ATF6: variants seen among roughly 807,000 people sequenced by gnomAD.
ATF6 encodes cyclic AMP-dependent transcription factor ATF-6 alpha.
Under a neutral mutation model 83.6 loss-of-function variants are expected in ATF6, and 53 were observed. The ratio of observed to expected loss-of-function variants is 0.63; its 90% confidence interval spans 0.51 to 0.80. ATF6 has a LOEUF of 0.80. ATF6 is among the 30% of genes least tolerant of loss of function. ATF6 has a pLI of 0.00. For missense variants in ATF6, 744 were observed against 797.9 expected (o/e 0.93, Z 0.81); for synonymous variants, 288 against 285.8 (o/e 1.01, Z -0.08).
Position 161,964,036 on chromosome 1 carries a change from T to A in ATF6, c.*5382T>A, listed in dbSNP as rs1185617599. ...AGCAAGTCTTTATACTACCTGTTAT[T>A]TCTCTAAAATTCAAATAAAGAATTT... On this transcript the variant is annotated 3_prime_UTR_variant, in exon 16 of 16. Coordinates refer to ENST00000367942, the MANE Select transcript of ATF6 (RefSeq NM_007348.4). The A allele has an allele frequency of 6.6e-6, 1 of 152,256 alleles. No homozygotes were observed. Among genetic ancestry groups the A allele is most frequent in the Non-Finnish European group, 1.5e-5 (1 of 68,044 alleles). 9.4% of individuals were successfully genotyped at this position (152,256 alleles called of 1,614,324 possible). A position where few individuals can be genotyped will look rare whatever the true frequency, so the allele number is the denominator to read the frequency against.
At chr1:161,936,146 G>A (rs1332296181) in intron 15 of ATF6, among the ~76,000 whole-genome samples, 6 of 152,128 alleles carry the variant, frequency 3.9e-5, no homozygotes, top group Non-Finnish European at 1.5e-5. Context: ...CAACGCTACT[G>A]GTGTGTTAAT....
Position 161,925,031 on chromosome 1 carries a change from A to T in ATF6, c.1804+12651A>T, listed in dbSNP as rs562155346. On this transcript the variant is annotated intron_variant, in intron 15 of 15. Coordinates refer to ENST00000367942, the MANE Select transcript of ATF6 (RefSeq NM_007348.4). ...AAATTGTTCCTTTTCTGTCTCTTAA[A>T]TCCACAGGATTATATATAAATATAA... 1.1e-4 allele frequency among the ~76,000 whole-genome samples: 16 copies of T among 152,294 alleles called. 1 individual carries two copies. The South Asian group carries it at 3.3e-3, about 32-fold the overall frequency.
intron 1 of ATF6, 125 bp downstream of exon 1, chr1:161,766,567 G>T: frequency 2.7e-6 from 2 of 739,946 alleles, no homozygotes. Flanking sequence ...GAGGCCCCTC[G>T]TCACTCCTGT....
intron 15 of ATF6, among the ~76,000 whole-genome samples, chr1:161,938,357 A>G (rs1688578246): frequency 6.6e-6 from 1 of 152,226 alleles, no homozygotes; most frequent in Non-Finnish European, 1.5e-5. Flanking sequence ...ATAATTGCCT[A>G]TAAATGGAGT....
At position 161,807,865 on chromosome 1, in the gene ATF6, C is replaced by CTTTTTTTTTTTTTTTTTTTTTTTTTTTT. The variant is rs761462420; in HGVS notation, c.909+5598_909+5625dup. ...CTTTTTGTACTTTTTAGTTTGTCATCTTTTTTTTTTTTTTTTTTTTTTTTT... is the reference window on the plus strand; with the variant it reads ...CTTTTTGTACTTTTTAGTTTGTCATCTTTTTTTTTTTTTTTTTTTTTTTTTTTTTTTTTTTTTTTTTTTTTTTTTTTTT... On this transcript the variant is annotated intron_variant, in intron 7 of 15. Coordinates refer to ENST00000367942, the MANE Select transcript of ATF6 (RefSeq NM_007348.4). Among the ~76,000 whole-genome samples the CTTTTTTTTTTTTTTTTTTTTTTTTTTTT allele has an allele frequency of 9.3e-5, 3 of 32,344 alleles. 1 individual carries two copies. The highest frequency in any genetic ancestry group is 2.3e-4 in the African/African-American group (2 of 8,764). 21.2% of individuals were successfully genotyped at this position (32,344 alleles called of 152,430 possible).
chr1:161,903,600 CT>C (rs1262908024), intron 14 of ATF6, among the ~76,000 whole-genome samples: 2 of 151,860 alleles, frequency 1.3e-5, no homozygotes, highest in Admixed American at 6.6e-5. Context: ...TTTTTGGTCC[CT>C]TTTTTTAAAA....
intron 14 of ATF6, among the ~76,000 whole-genome samples, chr1:161,909,421 AAT>A (rs1427973028): frequency 2.0e-5 from 3 of 152,178 alleles, no homozygotes; most frequent in Admixed American, 6.5e-5. Flanking sequence ...GAGGCTAGGA[AAT>A]ATAGTCTTTA....
intron 1 of ATF6, among the ~76,000 whole-genome samples, chr1:161,768,603 G>A (rs1467462974): frequency 2.6e-5 from 4 of 152,080 alleles, no homozygotes; most frequent in Non-Finnish European, 4.4e-5. Context: ...TTGCTCTGTC[G>A]CCCAGGCTGG....
chr1:161,909,678 C>T (rs1479431627), intron 14 of ATF6, among the ~76,000 whole-genome samples: 11 of 152,182 alleles, frequency 7.2e-5, no homozygotes, highest in South Asian at 2.1e-4. Flanking sequence ...CAGTAAGGGC[C>T]GGTCACAGAG....
intron 9 of ATF6, chr1:161,840,082 A>G (rs1686319681): frequency 1.3e-5 from 2 of 152,216 alleles, no homozygotes; most frequent in Admixed American, 1.3e-4. Context: ...AGGCAGGAAG[A>G]CAAGTGTCCT....
At chr1:161,819,861 T>C (rs747012437) in intron 8 of ATF6, 43 bp downstream of exon 8, 83 of 1,472,450 alleles carry the variant, frequency 5.6e-5, no homozygotes, top group Middle Eastern at 5.4e-4. Context: ...GGCTAAAGTA[T>C]CCTCTGGATT....
chr1:161,943,660 G>A (rs1036489164), intron 15 of ATF6, among the ~76,000 whole-genome samples: 3 of 151,984 alleles, frequency 2.0e-5, no homozygotes, highest in Non-Finnish European at 4.4e-5. Flanking sequence ...TATATGTAAT[G>A]CCCTCTCCCC....
intron 9 of ATF6, among the ~76,000 whole-genome samples, chr1:161,824,274 C>G (rs1452913492): frequency 6.6e-6 from 1 of 152,014 alleles, no homozygotes; most frequent in Non-Finnish European, 1.5e-5. Context: ...CAGTGCCCTT[C>G]CCTCAGAGAT....
At chr1:161,882,220 T>G (rs535023947) in intron 14 of ATF6, among the ~76,000 whole-genome samples, 99 of 152,278 alleles carry the variant, frequency 6.5e-4, no homozygotes, top group Non-Finnish European at 1.1e-3. Flanking sequence ...AATGAAATGT[T>G]ATTTATATAC....
At chr1:161,958,293 C>T (rs1289994094) in intron 15 of ATF6, among the ~76,000 whole-genome samples, 153 bp from the exon 16 acceptor site, 1 of 152,238 alleles carries the variant, frequency 6.6e-6, no homozygotes, top group Non-Finnish European at 1.5e-5. Flanking sequence ...ACTTGTAGCT[C>T]TGCTTACTGA....
At chr1:161,881,852 C>T (rs1439431699) in intron 14 of ATF6, among the ~76,000 whole-genome samples, 2 of 152,016 alleles carry the variant, frequency 1.3e-5, no homozygotes, top group Non-Finnish European at 2.9e-5. Context: ...ATTTGCCTAA[C>T]TAAAGGTCAC....
intron 4 of ATF6, among the ~76,000 whole-genome samples, chr1:161,790,347 G>A (rs192579072): frequency 2.6e-5 from 4 of 152,172 alleles, no homozygotes; most frequent in South Asian, 2.1e-4. Flanking sequence ...TGTCTATTGC[G>A]TGATCATGCA....
chr1:161,894,598 G>A (rs539961701), intron 14 of ATF6, among the ~76,000 whole-genome samples: 146 of 120,492 alleles, frequency 1.2e-3, no homozygotes, highest in Non-Finnish European at 1.9e-3. Context: ...GTGTAGTGGC[G>A]TGATCTTGGC....
chr1:161,781,324 G>T (rs951736187), intron 2 of ATF6, among the ~76,000 whole-genome samples: 2 of 151,692 alleles, frequency 1.3e-5, no homozygotes, highest in South Asian at 2.1e-4. Flanking sequence ...TGTTTTTTTT[G>T]ATTCATAAAA....
Sources: allele counts gnomAD v4.1 joint callset (sites outside exome capture counted in the v4.1 genomes callset), GRCh38; gene constraint gnomAD v4.1.1; transcripts MANE v1.5; gene names NCBI Gene and HGNC (gene_info 2026-07-23, HGNC 2026-07-21).